Variants in TDRP observed in about 807,000 individuals in gnomAD.
TDRP encodes testis development-related protein.
Under a neutral mutation model 10.5 loss-of-function variants are expected in TDRP, and 12 were observed. The ratio of observed to expected loss-of-function variants is 1.15; its 90% CI spans 0.73 to 1.86. TDRP has a LOEUF of 1.86. TDRP is among the 40% of genes most tolerant of loss of function. The pLI, the probability that TDRP is intolerant of heterozygous loss-of-function variation, is 0.00. For missense variants in TDRP, 353 were observed against 229.2 expected (o/e 1.54, Z -3.49); for synonymous variants, 139 against 95.4 (o/e 1.46, Z -2.67).
chr8:531,200 C>T (rs1213600170), intron 1 of TDRP, among the ~76,000 whole-genome samples: 1 of 152,094 alleles, frequency 6.6e-6, no homozygotes, highest in Non-Finnish European at 1.5e-5. Flanking sequence ...TTCAATGCAG[C>T]TGTTCTTGGC....
At chr8:518,290 A>G (rs1164237057) in intron 1 of TDRP, among the ~76,000 whole-genome samples, 3 of 152,212 alleles carry the variant, frequency 2.0e-5, no homozygotes, top group Non-Finnish European at 2.9e-5. Context: ...CTGCTATAAA[A>G]AAGAGTCTAT....
At chr8:539,032 G>A (rs1030347727) in intron 1 of TDRP, among the ~76,000 whole-genome samples, 1 of 152,062 alleles carries the variant, frequency 6.6e-6, no homozygotes, top group Non-Finnish European at 1.5e-5. Flanking sequence ...ATAATAGAAA[G>A]AGACTAGAAA....
At chr8:509,616 C>G (rs1184544443) in intron 1 of TDRP, among the ~76,000 whole-genome samples, 4 of 152,236 alleles carry the variant, frequency 2.6e-5, no homozygotes, top group Admixed American at 2.0e-4. Flanking sequence ...TCTGGCTCAT[C>G]TGACCCATTT....
chr8:509,473 G>T (rs1479377350), intron 1 of TDRP, among the ~76,000 whole-genome samples: 1 of 152,204 alleles, frequency 6.6e-6, no homozygotes, highest in African/African-American at 2.4e-5. Flanking sequence ...CCAAGTGGAA[G>T]CAGCCAAGGA....
At chr8:534,692 G>A (rs947123679) in intron 1 of TDRP, among the ~76,000 whole-genome samples, 1 of 152,220 alleles carries the variant, frequency 6.6e-6, no homozygotes, top group African/African-American at 2.4e-5. Flanking sequence ...CTCGCTGGGT[G>A]ATGATGAGTG....
chr8:492,786 T>G, intron 2 of TDRP, 42 bp from the exon 3 acceptor site: 1 of 1,439,722 alleles, frequency 6.9e-7, no homozygotes. Flanking sequence ...ACCCAGGTCT[T>G]AGGGCCTCAA....
rs144384721 is a variant in TDRP, at chr8:492,301, A to C, written c.*98T>G. The C allele has an allele frequency of 5.8e-4, 792 of 1,357,390 alleles. 1 individual carries two copies. The African/African-American group carries it at 0.01, about 17-fold the overall frequency. The allele number at this position is 1,357,390 out of a possible 1,614,324, so 84.1% of individuals were successfully genotyped here. ...CAAATATCAAATATAGGCAAAAAGT[A>C]GACTCTCTATTCTTTCTAACGCGGA... On this transcript the variant is annotated 3_prime_UTR_variant, in exon 3 of 3. Coordinates refer to ENST00000324079, the MANE Select transcript of TDRP (RefSeq NM_001384899.1).
chr8:508,327 T>G (rs961818310), intron 1 of TDRP, among the ~76,000 whole-genome samples: 1 of 152,232 alleles, frequency 6.6e-6, no homozygotes, highest in Non-Finnish European at 1.5e-5. Context: ...TGTGTATTAG[T>G]TCATTTTCAC....
chr8:507,530 C>T (rs1358283092), intron 1 of TDRP, among the ~76,000 whole-genome samples: 1 of 152,136 alleles, frequency 6.6e-6, no homozygotes, highest in Non-Finnish European at 1.5e-5. Flanking sequence ...AATTTAGCAG[C>T]TGCATGCGGT....
intron 1 of TDRP, among the ~76,000 whole-genome samples, chr8:498,005 T>G (rs149261213): frequency 6.6e-6 from 1 of 152,012 alleles, no homozygotes; most frequent in Non-Finnish European, 1.5e-5. Flanking sequence ...AGAGGAGGTA[T>G]GGAAATGGCT....
In TDRP at chr8:526,744, T is replaced by A. The variant is rs6988839; in HGVS notation, c.108+17906A>T. Among the ~76,000 whole-genome samples, 208 of 152,300 alleles carry A rather than the reference T, an allele frequency of 1.4e-3. 1 individual carries two copies. Among genetic ancestry groups the A allele is most frequent in the African/African-American group, 4.8e-3 (200 of 41,570 alleles). On this transcript the variant is annotated intron_variant, in intron 1 of 2. Transcript: ENST00000324079. ...GCTTTGGACTTATTCCCTTCTCCTC[T>A]ATTTTTCATACTGAAGGGAAAAATG...
upstream of TDRP, chr8:544,898 C>T (rs1375609852): frequency 7.9e-6 from 4 of 504,510 alleles, no homozygotes; most frequent in East Asian, 1.2e-4. Flanking sequence ...GGCGGGGCAC[C>T]CCCAGAACTA....
chr8:491,973 T>C lies in TDRP; in HGVS notation c.*426A>G. ...ATTCATCTTACCTCCTGACTAATTT[T>C]CTAGCAAAAGAAAAGAACTGCATGA... On this transcript the variant is annotated 3_prime_UTR_variant, in exon 3 of 3. Transcript: ENST00000324079. 9.0e-7 allele frequency: 1 copy of C among 1,117,194 alleles called. No homozygotes were observed. The highest frequency in any genetic ancestry group is 1.1e-6 in the Non-Finnish European group (1 of 916,416). 69.2% of individuals were successfully genotyped at this position (1,117,194 alleles called of 1,614,324 possible).
chr8:534,383 T>G (rs1802290391), intron 1 of TDRP, among the ~76,000 whole-genome samples: 1 of 152,232 alleles, frequency 6.6e-6, no homozygotes, highest in African/African-American at 2.4e-5. Context: ...ATCAACAATG[T>G]GTGACCTTGT....
chr8:529,644 G>C (rs761630709), intron 1 of TDRP, among the ~76,000 whole-genome samples: 2 of 152,102 alleles, frequency 1.3e-5, no homozygotes, highest in Admixed American at 1.3e-4. Context: ...CAGTATTCTT[G>C]GCTGGCTGGG....
chr8:543,979 T>C (rs1290884420), intron 1 of TDRP, among the ~76,000 whole-genome samples: 2 of 151,856 alleles, frequency 1.3e-5, no homozygotes, highest in African/African-American at 4.8e-5. Context: ...AGGGCCCACC[T>C]GGGAGCCCTT....
At chr8:495,767 A>G (rs1801111055) in intron 1 of TDRP, among the ~76,000 whole-genome samples, 1 of 152,252 alleles carries the variant, frequency 6.6e-6, no homozygotes. Context: ...GATAATGAAT[A>G]CAATTCAATC....
intron 1 of TDRP, among the ~76,000 whole-genome samples, chr8:495,837 A>C (rs545443228): frequency 6.6e-6 from 1 of 152,342 alleles, no homozygotes; most frequent in South Asian, 2.1e-4. Context: ...CCAGGGTGTA[A>C]CACAGCCTCA....
chr8:531,969 C>A (rs1802211636), intron 1 of TDRP, among the ~76,000 whole-genome samples: 1 of 152,158 alleles, frequency 6.6e-6, no homozygotes, highest in Non-Finnish European at 1.5e-5. Context: ...ATAAAATCTC[C>A]TGACTGTGAT....
Sources: gnomAD v4.1 joint callset for allele counts (sites outside exome capture counted in the v4.1 genomes callset) on GRCh38, gnomAD v4.1.1 for gene constraint, MANE v1.5 for transcripts, NCBI Gene and HGNC (gene_info 2026-07-23, HGNC 2026-07-21) for gene names.